Variants in CSMD3 observed in about 807,000 individuals in gnomAD.
CSMD3 encodes the protein CUB and Sushi multiple domains 3.
A neutral mutation model predicts 435.2 loss-of-function variants in CSMD3; 177 were observed. The ratio of observed to expected loss-of-function variants is 0.41; its 90% CI spans 0.36 to 0.46. CSMD3 has a LOEUF of 0.46. Among genes scored for constraint, CSMD3 ranks in the 20% least tolerant of loss-of-function variants. CSMD3 has a pLI of 0.34. For synonymous variants in CSMD3, 1,656 were observed against 1,520.5 expected, an observed-to-expected ratio of 1.09 and a Z score of -2.07; for missense variants, 4,265 against 4,504.6, an observed-to-expected ratio of 0.95 and a Z score of 1.52.
intron 27 of CSMD3, among the ~76,000 whole-genome samples, chr8:112,528,982 G>T (rs1586607807): frequency 6.6e-6 from 1 of 152,006 alleles, no homozygotes; most frequent in South Asian, 2.1e-4. Context: ...AGGGGCAATT[G>T]ATGCCCCTAG....
At chr8:112,336,524 C>A in intron 44 of CSMD3, 128 bp downstream of exon 44, 1 of 775,288 alleles carries the variant, frequency 1.3e-6, no homozygotes. Flanking sequence ...TACTGTCACC[C>A]TCAGTTACTC....
intron 24 of CSMD3, among the ~76,000 whole-genome samples, chr8:112,558,677 C>A (rs180805166): frequency 6.6e-6 from 1 of 151,800 alleles, no homozygotes; most frequent in East Asian, 1.9e-4. Context: ...TTGGTCGGTG[C>A]GAGGAAGAAA....
intron 1 of CSMD3, among the ~76,000 whole-genome samples, chr8:113,335,562 T>G: frequency 7.2e-6 from 1 of 139,240 alleles, no homozygotes; most frequent in African/African-American, 2.7e-5. Flanking sequence ...TTTTTTTTTT[T>G]GGGTATTTAC....
chr8:113,331,813 C>G (rs911804018), intron 1 of CSMD3, among the ~76,000 whole-genome samples: 1 of 151,684 alleles, frequency 6.6e-6, no homozygotes, highest in Non-Finnish European at 1.5e-5. Flanking sequence ...GTTAAACTGA[C>G]GACCACCATC....
intron 24 of CSMD3, among the ~76,000 whole-genome samples, chr8:112,562,507 AG>A (rs1828718113): frequency 6.6e-6 from 1 of 151,548 alleles, no homozygotes; most frequent in Non-Finnish European, 1.5e-5. Flanking sequence ...AAATAAAAAA[AG>A]AAATAGATTG....
intron 32 of CSMD3, among the ~76,000 whole-genome samples, chr8:112,463,837 G>A (rs961719442): frequency 3.3e-5 from 5 of 152,118 alleles, no homozygotes; most frequent in African/African-American, 1.2e-4. Context: ...GATACCCTGT[G>A]CAATACATGG....
chr8:112,802,507 T>C (rs575782869), intron 12 of CSMD3, among the ~76,000 whole-genome samples: 1 of 152,206 alleles, frequency 6.6e-6, no homozygotes, highest in African/African-American at 2.4e-5. Context: ...TAGCTATATA[T>C]TATTTCTCTT....
chr8:112,279,520 C>A (rs991361401), intron 59 of CSMD3, among the ~76,000 whole-genome samples: 1 of 152,046 alleles, frequency 6.6e-6, no homozygotes, highest in African/African-American at 2.4e-5. Context: ...TAAAATGGAG[C>A]CCCTTGGACC....
intron 4 of CSMD3, among the ~76,000 whole-genome samples, chr8:113,120,080 G>T (rs948304019): frequency 6.6e-6 from 1 of 151,886 alleles, no homozygotes; most frequent in South Asian, 2.1e-4. Flanking sequence ...AATGTAAAAT[G>T]TATGTATATA....
In CSMD3 at chr8:112,335,583, T is replaced by A. The variant is rs1181023450; in HGVS notation, c.7020-109A>T. On this transcript the variant is annotated intron_variant, in intron 44 of 70. Transcript: ENST00000297405. ...ATATATTTATATTCTAACGTATCAA[T>A]AATAAAGATGCAGGAAGCTAACCAA... The A allele has an allele frequency of 1.6e-5, 15 of 965,552 alleles. No individual in the cohort carries two copies. In the African/African-American group the frequency reaches 2.1e-4, roughly 14 times the overall value. 59.8% of individuals were successfully genotyped at this position (965,552 alleles called of 1,614,324 possible).
At chr8:113,400,305 G>A (rs533169918) in intron 1 of CSMD3, among the ~76,000 whole-genome samples, 60 of 151,946 alleles carry the variant, frequency 3.9e-4, no homozygotes, top group Non-Finnish European at 5.9e-4. Context: ...TTGATGATCA[G>A]CATCTTTAAA....
chr8:112,348,760 C>G (rs921152564), intron 40 of CSMD3, among the ~76,000 whole-genome samples: 1 of 151,844 alleles, frequency 6.6e-6, no homozygotes, highest in Non-Finnish European at 1.5e-5. Context: ...TATAATAAAA[C>G]AATTTTTCTA....
At chr8:112,785,882 C>T (rs1189475283) in intron 13 of CSMD3, among the ~76,000 whole-genome samples, 1 of 151,940 alleles carries the variant, frequency 6.6e-6, no homozygotes, top group Non-Finnish European at 1.5e-5. Flanking sequence ...AATGCAATCC[C>T]TATCAAAATA....
At chr8:112,273,138 G>A (rs1253689264) in intron 59 of CSMD3, among the ~76,000 whole-genome samples, 1 of 151,998 alleles carries the variant, frequency 6.6e-6, no homozygotes, top group East Asian at 1.9e-4. Flanking sequence ...GAAAAATGAA[G>A]ACAATTCAAT....
intron 28 of CSMD3, among the ~76,000 whole-genome samples, chr8:112,511,102 C>A (rs1823073130): frequency 6.6e-6 from 1 of 152,088 alleles, no homozygotes. Flanking sequence ...CCAAATATAG[C>A]AATAAAGTGA....
At chr8:112,481,915 AT>A (rs1819655414) in intron 31 of CSMD3, among the ~76,000 whole-genome samples, 1 of 152,092 alleles carries the variant, frequency 6.6e-6, no homozygotes, top group Non-Finnish European at 1.5e-5. Context: ...CACATAATTC[AT>A]TTTGTTTAAC....
At chr8:112,258,510 A>T (rs923066931) in intron 61 of CSMD3, among the ~76,000 whole-genome samples, 1 of 152,242 alleles carries the variant, frequency 6.6e-6, no homozygotes, top group African/African-American at 2.4e-5. Flanking sequence ...TATGCAGCCA[A>T]CAAACACACG....
chr8:112,524,344 A>T (rs927459379), intron 27 of CSMD3, among the ~76,000 whole-genome samples: 3 of 151,954 alleles, frequency 2.0e-5, no homozygotes, highest in Non-Finnish European at 4.4e-5. Context: ...AAGTAAAAAA[A>T]AAAAAGAAAT....
Position 113,121,987 on chromosome 8 carries a change from C to T in CSMD3, c.710-23024G>A, listed in dbSNP as rs527707369. On this transcript the variant is annotated intron_variant, in intron 4 of 70. Transcript: ENST00000297405. ...TGATGTATAAAAAGGTACCCCTTTA[C>T]GTAGTTTTGATATTTTGTGTTCAGT... 1.4e-4 allele frequency among the ~76,000 whole-genome samples: 22 copies of T among 152,150 alleles called. No individual in the cohort carries two copies. The East Asian group carries it at 3.7e-3, about 25-fold the overall frequency.
Sources: gnomAD v4.1 joint callset for allele counts (sites outside exome capture counted in the v4.1 genomes callset) on GRCh38, gnomAD v4.1.1 for gene constraint, MANE v1.5 for transcripts, NCBI Gene and HGNC (gene_info 2026-07-23, HGNC 2026-07-21) for gene names.